Variants in AKAP19 observed in about 807,000 individuals in gnomAD.
AKAP19 encodes A-kinase anchoring protein 19.
chr2:190,182,254 T>TC, the AKAP19 span, among the ~76,000 whole-genome samples: 2 of 152,196 alleles, frequency 1.3e-5, no homozygotes, highest in Non-Finnish European at 2.9e-5. Context: ...AGTACCTGTT[T>TC]CTCATTAGTC....
At chr2:190,123,794 C>G in the AKAP19 span, among the ~76,000 whole-genome samples, 1 of 152,126 alleles carries the variant, frequency 6.6e-6, no homozygotes, top group Non-Finnish European at 1.5e-5. Context: ...GAGGGTGTTT[C>G]CAGAGGAGAT....
At chr2:190,025,866 A>G in the AKAP19 span, among the ~76,000 whole-genome samples, 2 of 152,200 alleles carry the variant, frequency 1.3e-5, no homozygotes, top group South Asian at 2.1e-4. Context: ...TGTACAGTAT[A>G]TAGCCTTTTA....
chr2:190,072,369 A>G, the AKAP19 span, among the ~76,000 whole-genome samples: 2 of 152,156 alleles, frequency 1.3e-5, no homozygotes, highest in Non-Finnish European at 2.9e-5. Flanking sequence ...GCATCACACA[A>G]TATACCCAGG....
the AKAP19 span, among the ~76,000 whole-genome samples, chr2:189,995,981 T>G: frequency 6.6e-6 from 1 of 152,218 alleles, no homozygotes; most frequent in African/African-American, 2.4e-5. Flanking sequence ...ATCTGATAAA[T>G]TTTCCTTTAT....
chr2:190,084,753 C>T, the AKAP19 span, among the ~76,000 whole-genome samples: 1 of 152,162 alleles, frequency 6.6e-6, no homozygotes, highest in Non-Finnish European at 1.5e-5. Flanking sequence ...AACTTTCAAC[C>T]TTGGCTTTGA....
the AKAP19 span, among the ~76,000 whole-genome samples, chr2:189,886,396 T>C: frequency 6.6e-6 from 1 of 152,230 alleles, no homozygotes. Flanking sequence ...GCATTACTTC[T>C]TTCATAAGGA....
At chr2:189,896,691 G>A in the AKAP19 span, among the ~76,000 whole-genome samples, 3 of 152,038 alleles carry the variant, frequency 2.0e-5, no homozygotes, top group Non-Finnish European at 4.4e-5. Flanking sequence ...TTAAGATTCA[G>A]TCTCTAATTA....
the AKAP19 span, among the ~76,000 whole-genome samples, chr2:189,994,520 A>G: frequency 6.6e-6 from 1 of 152,030 alleles, no homozygotes; most frequent in Admixed American, 6.6e-5. Context: ...TCAGTTCAAA[A>G]GAATTTTTTA....
At chr2:190,082,715 A>T in the AKAP19 span, among the ~76,000 whole-genome samples, 1 of 152,356 alleles carries the variant, frequency 6.6e-6, no homozygotes, top group South Asian at 2.1e-4. Flanking sequence ...TCTAACCATT[A>T]TACAAATTAG....
chr2:190,088,503 A>G, the AKAP19 span, among the ~76,000 whole-genome samples: 20 of 152,222 alleles, frequency 1.3e-4, no homozygotes, highest in African/African-American at 3.9e-4. Context: ...TAAATATTTC[A>G]AAAAGATTAA....
At chr2:190,192,452 C>CGTG in the AKAP19 span, among the ~76,000 whole-genome samples, 4 of 145,356 alleles carry the variant, frequency 2.8e-5, no homozygotes, top group African/African-American at 1.0e-4. Context: ...AATTCAGAAT[C>CGTG]TGTGTGTGTG....
At chr2:190,004,855 T>C in the AKAP19 span, among the ~76,000 whole-genome samples, 27 of 152,296 alleles carry the variant, frequency 1.8e-4, no homozygotes, top group African/African-American at 6.5e-4. Flanking sequence ...ATGAACACTG[T>C]TGTAGGTTCA....
At chr2:189,946,809 T>C in the AKAP19 span, among the ~76,000 whole-genome samples, 1 of 152,220 alleles carries the variant, frequency 6.6e-6, no homozygotes, top group Non-Finnish European at 1.5e-5. Flanking sequence ...ACCAGAAAGC[T>C]AGCTTTCCCT....
chr2:190,140,231 T>A, the AKAP19 span, among the ~76,000 whole-genome samples: 184 of 152,308 alleles, frequency 1.2e-3, no homozygotes, highest in Middle Eastern at 6.8e-3. Context: ...GCTGCTTTCA[T>A]GGGCTGCTGT....
chr2:189,951,909 G>T, the AKAP19 span, among the ~76,000 whole-genome samples: 1 of 152,218 alleles, frequency 6.6e-6, no homozygotes, highest in African/African-American at 2.4e-5. Flanking sequence ...CATGAGAAAA[G>T]TGTTCTTCCT....
At chr2:189,997,535 A>T in the AKAP19 span, among the ~76,000 whole-genome samples, 3 of 152,092 alleles carry the variant, frequency 2.0e-5, no homozygotes, top group Admixed American at 2.0e-4. Context: ...TGCCTCTGTC[A>T]CTAGGGAAGT....
the AKAP19 span, among the ~76,000 whole-genome samples, chr2:189,912,547 C>T: frequency 2.0e-5 from 3 of 151,960 alleles, no homozygotes; most frequent in Admixed American, 1.3e-4. Flanking sequence ...GTCTCAACAA[C>T]AACAATAACA....
the AKAP19 span, among the ~76,000 whole-genome samples, chr2:190,022,657 A>G: frequency 2.0e-5 from 3 of 152,214 alleles, no homozygotes; most frequent in African/African-American, 7.2e-5. Context: ...TCTGAGGCTT[A>G]TGCATACAGG....
At chr2:189,914,051 T>C in the AKAP19 span, among the ~76,000 whole-genome samples, 1 of 152,098 alleles carries the variant, frequency 6.6e-6, no homozygotes, top group Non-Finnish European at 1.5e-5. Context: ...AGAACAGCTG[T>C]GTCTTTTATT....
Sources: gnomAD v4.1 joint callset for allele counts (sites outside exome capture counted in the v4.1 genomes callset) on GRCh38, gnomAD v4.1.1 for gene constraint, MANE v1.5 for transcripts, NCBI Gene and HGNC (gene_info 2026-07-23, HGNC 2026-07-21) for gene names.